PCDHGB1: variants seen among roughly 807,000 people sequenced by gnomAD.
The protein encoded by PCDHGB1 is protocadherin gamma subfamily B, 1.
In PCDHGB1, 34 loss-of-function variants were observed where a neutral mutation model predicts 56.6. The ratio of observed to expected loss-of-function variants is 0.60; its 90% CI spans 0.46 to 0.80. PCDHGB1 has a LOEUF of 0.80. Among genes scored for constraint, PCDHGB1 ranks in the 30% least tolerant of loss-of-function variants. The pLI, the probability that PCDHGB1 is intolerant of heterozygous loss-of-function variation, is 0.00. For missense variants in PCDHGB1, 1,278 were observed against 1,204.6 expected (o/e 1.06, Z -0.90); for synonymous variants, 561 against 505.9 (o/e 1.11, Z -1.46).
intron 1 of PCDHGB1, chr5:141,384,882 C>T (rs951463054): frequency 6.2e-7 from 1 of 1,613,754 alleles, no homozygotes; most frequent in African/African-American, 1.3e-5. Context: ...TCACACTCAC[C>T]GTGGCTGTGG....
At chr5:141,390,432 C>A in intron 1 of PCDHGB1, 2 of 985,350 alleles carry the variant, frequency 2.0e-6, no homozygotes, top group Admixed American at 2.8e-5. Context: ...GCTGTCATAT[C>A]ATTCTACAAA....
intron 1 of PCDHGB1, chr5:141,423,265 G>T: frequency 6.2e-7 from 1 of 1,613,666 alleles, no homozygotes; most frequent in Non-Finnish European, 8.5e-7. Flanking sequence ...CGGCAGCCTC[G>T]AGTCTCTGGC....
chr5:141,509,785 C>T (rs1445220885), intron 3 of PCDHGB1, among the ~76,000 whole-genome samples: 1 of 152,166 alleles, frequency 6.6e-6, no homozygotes, highest in African/African-American at 2.4e-5. Context: ...CCGAGATCAT[C>T]ATCTCCTCAG....
intron 1 of PCDHGB1, chr5:141,404,934 C>A: frequency 5.6e-6 from 9 of 1,613,986 alleles, no homozygotes; most frequent in Non-Finnish European, 6.8e-6. Flanking sequence ...GTCACGCTCA[C>A]AGTAGCCATA....
intron 1 of PCDHGB1, chr5:141,415,677 C>T (rs375781400): frequency 4.7e-6 from 7 of 1,499,248 alleles, no homozygotes; most frequent in Middle Eastern, 1.8e-4. Flanking sequence ...TTGAAGTTTG[C>T]GGCATGATGG....
intron 1 of PCDHGB1, chr5:141,389,112 C>G (rs376966829): frequency 1.2e-6 from 2 of 1,613,966 alleles, no homozygotes; most frequent in Non-Finnish European, 1.7e-6. Context: ...TGTTCTAGAC[C>G]GCGAGCAGAA....
At chr5:141,472,323 C>T (rs980684595) in intron 1 of PCDHGB1, among the ~76,000 whole-genome samples, 4 of 151,498 alleles carry the variant, frequency 2.6e-5, no homozygotes, top group East Asian at 2.0e-4. Flanking sequence ...AGGCAGATCA[C>T]GAGGTTGGGA....
intron 1 of PCDHGB1, among the ~76,000 whole-genome samples, chr5:141,444,256 C>T (rs1445343718): frequency 2.1e-5 from 3 of 146,298 alleles, no homozygotes; most frequent in African/African-American, 5.1e-5. Context: ...ACTGCAACCT[C>T]CGCCTCCCAG....
At chr5:141,375,316 C>T (rs1308700957) in intron 1 of PCDHGB1, 4 of 1,613,660 alleles carry the variant, frequency 2.5e-6, no homozygotes, top group South Asian at 2.2e-5. Flanking sequence ...CAGCTCTAGA[C>T]CGGGAAGAGG....
intron 2 of PCDHGB1, among the ~76,000 whole-genome samples, chr5:141,496,628 C>T (rs928402582): frequency 2.0e-5 from 3 of 152,212 alleles, no homozygotes; most frequent in Non-Finnish European, 2.9e-5. Flanking sequence ...GATCAAAAGG[C>T]TTGGGCTGCC....
In PCDHGB1 at chr5:141,493,364, TTGGAAC is replaced by T. The variant is rs1405602213; in HGVS notation, c.2410-1441_2410-1436del. Among the ~76,000 whole-genome samples, 1 of 152,184 alleles carries T rather than the reference TTGGAAC, an allele frequency of 6.6e-6. No homozygotes were observed. Among genetic ancestry groups the T allele is most frequent in the South Asian group, 2.1e-4 (1 of 4,824 alleles). On this transcript the variant is annotated intron_variant, in intron 1 of 3. Coordinates refer to ENST00000523390, the MANE Select transcript of PCDHGB1 (RefSeq NM_018922.3). The surrounding 1 kb of genome is among the most constrained non-coding windows in gnomAD (Gnocchi z 4.3). Reference sequence around the variant, plus strand: ...ATGTGTGCTTTTAATTTCTTGGCACTTGGAACTTTAAAAGCTTGAGGACAGGAGAGG... The same window carrying T: ...ATGTGTGCTTTTAATTTCTTGGCACTTTTAAAAGCTTGAGGACAGGAGAGG...
intron 1 of PCDHGB1, chr5:141,428,212 C>A (rs1295973505): frequency 8.0e-7 from 1 of 1,255,000 alleles, no homozygotes; most frequent in Non-Finnish European, 1.1e-6. Context: ...TACGCTTCAC[C>A]TAGTCTTCGC....
intron 1 of PCDHGB1, chr5:141,399,007 A>G (rs1403288140): frequency 6.2e-7 from 1 of 1,613,948 alleles, no homozygotes. Flanking sequence ...GAATTCAAAG[A>G]GCGGAGAAAT....
At chr5:141,500,348 A>G (rs2099799436) in intron 2 of PCDHGB1, among the ~76,000 whole-genome samples, 1 of 151,950 alleles carries the variant, frequency 6.6e-6, no homozygotes, top group Non-Finnish European at 1.5e-5. Context: ...AGCTGGGACT[A>G]CAGGCGCCCA....
At chr5:141,483,076 C>A (rs964178941) in intron 1 of PCDHGB1, among the ~76,000 whole-genome samples, 8 of 152,044 alleles carry the variant, frequency 5.3e-5, no homozygotes, top group Non-Finnish European at 8.8e-5. Context: ...CAGAGAGAGA[C>A]TCCATCTCAA....
intron 1 of PCDHGB1, among the ~76,000 whole-genome samples, chr5:141,363,627 C>T (rs1763008344): frequency 6.6e-6 from 1 of 152,226 alleles, no homozygotes; most frequent in Non-Finnish European, 1.5e-5. Flanking sequence ...GAGACTTTCT[C>T]AAAGTCCTCA....
At chr5:141,361,215 G>C in intron 1 of PCDHGB1, 1 of 1,613,962 alleles carries the variant, frequency 6.2e-7, no homozygotes. Context: ...CGGAGGATTC[G>C]CCACCAGGAA....
chr5:141,375,640 C>T (rs1375647493), intron 1 of PCDHGB1: 1 of 1,614,226 alleles, frequency 6.2e-7, no homozygotes, highest in Non-Finnish European at 8.5e-7. Flanking sequence ...CCCTGCGCTC[C>T]TTCGACTATG....
chr5:141,406,434 A>G (rs1203599965), intron 1 of PCDHGB1, among the ~76,000 whole-genome samples: 1 of 152,238 alleles, frequency 6.6e-6, no homozygotes, highest in Non-Finnish European at 1.5e-5. Context: ...TATTGCTTCT[A>G]TTCTTCCATT....
Sources: allele counts gnomAD v4.1 joint callset (sites outside exome capture counted in the v4.1 genomes callset), GRCh38; gene constraint gnomAD v4.1.1; non-coding constraint Gnocchi (gnomAD v3.1); transcripts MANE v1.5; gene names NCBI Gene and HGNC (gene_info 2026-07-23, HGNC 2026-07-21).